NEDD9: variants seen among roughly 807,000 people sequenced by gnomAD.
The protein encoded by NEDD9 is enhancer of filamentation 1.
A neutral mutation model predicts 76.6 loss-of-function variants in NEDD9; 26 were observed. The observed-to-expected ratio is 0.34, with a 90% CI of 0.25 to 0.47. NEDD9 has a LOEUF of 0.47. Ranked by LOEUF, NEDD9 falls within the 20% of genes least tolerant of loss-of-function variation. The probability of loss-of-function intolerance (pLI) is 1.00; values close to 1 mark genes in which losing one functional copy is unlikely to be tolerated. For synonymous variants in NEDD9, 392 were observed against 414.2 expected (o/e 0.95, Z 0.65); for missense variants, 937 against 1,058.5 (o/e 0.89, Z 1.59).
At chr6:11,297,228 C>A (rs1038768682) in intron 3 of NEDD9, among the ~76,000 whole-genome samples, 4 of 150,480 alleles carry the variant, frequency 2.7e-5, no homozygotes, top group African/African-American at 9.8e-5. Context: ...ACTACCAGCT[C>A]TTTGAAAATG....
At chr6:11,380,362 T>C (rs1763040986) in intron 1 of NEDD9, among the ~76,000 whole-genome samples, 2 of 152,182 alleles carry the variant, frequency 1.3e-5, no homozygotes, top group Non-Finnish European at 2.9e-5. Flanking sequence ...AGAGAAGCCA[T>C]GAAGGGCCCC....
chr6:11,232,704 G>A (rs1475251007), upstream of NEDD9: 23 of 1,440,704 alleles, frequency 1.6e-5, no homozygotes, highest in Non-Finnish European at 2.1e-5. Flanking sequence ...GCTGATCGCG[G>A]ACCTCATTTG....
At chr6:11,266,482 G>A (rs1464152795) in intron 3 of NEDD9, among the ~76,000 whole-genome samples, 1 of 152,114 alleles carries the variant, frequency 6.6e-6, no homozygotes. Context: ...GGAAAAAGAA[G>A]CCATTATATA....
chr6:11,319,524 A>ACT (rs913812338), intron 2 of NEDD9, among the ~76,000 whole-genome samples: 1 of 149,212 alleles, frequency 6.7e-6, no homozygotes, highest in African/African-American at 2.5e-5. Context: ...TAACATGCAC[A>ACT]CTCACACTAA....
intron 2 of NEDD9, among the ~76,000 whole-genome samples, chr6:11,324,869 T>C (rs1761888130): frequency 6.6e-6 from 1 of 152,238 alleles, no homozygotes; most frequent in Non-Finnish European, 1.5e-5. Context: ...GCAGCAGTGG[T>C]ATTCTAAGAA....
At chr6:11,337,450 C>T (rs1237875566) in intron 1 of NEDD9, among the ~76,000 whole-genome samples, 1 of 152,122 alleles carries the variant, frequency 6.6e-6, no homozygotes, top group Non-Finnish European at 1.5e-5. Flanking sequence ...TTTGTTGACA[C>T]CAGCATCACC....
At chr6:11,306,378 T>A (rs553795884) in intron 2 of NEDD9, among the ~76,000 whole-genome samples, 104 of 152,326 alleles carry the variant, frequency 6.8e-4, no homozygotes, top group Non-Finnish European at 1.2e-3. Flanking sequence ...AGTCCTGTCC[T>A]CAAGGATCCC....
intron 3 of NEDD9, among the ~76,000 whole-genome samples, chr6:11,262,733 A>C (rs921884804): frequency 1.3e-5 from 2 of 152,262 alleles, no homozygotes; most frequent in African/African-American, 4.8e-5. Context: ...TTAAAAGAAT[A>C]AAATAAGTTA....
At chr6:11,331,486 T>A (rs1426428609) in intron 2 of NEDD9, among the ~76,000 whole-genome samples, 3 of 152,020 alleles carry the variant, frequency 2.0e-5, no homozygotes, top group Admixed American at 2.0e-4. Flanking sequence ...GGAGGAGATA[T>A]GACTTAAGAA....
chr6:11,239,268 G>A (rs903545058), intron 3 of NEDD9, among the ~76,000 whole-genome samples: 1 of 152,180 alleles, frequency 6.6e-6, no homozygotes, highest in Non-Finnish European at 1.5e-5. Context: ...GGTTTCTTTT[G>A]TGAGAGTTTC....
intron 1 of NEDD9, among the ~76,000 whole-genome samples, chr6:11,376,197 A>T (rs1288893547): frequency 6.6e-6 from 1 of 152,228 alleles, no homozygotes. Flanking sequence ...CTAACACAGA[A>T]AATTGAAAAT....
chr6:11,258,264 G>T (rs941440292), intron 3 of NEDD9, among the ~76,000 whole-genome samples: 1 of 152,202 alleles, frequency 6.6e-6, no homozygotes, highest in African/African-American at 2.4e-5. Context: ...TTACCAGGGA[G>T]GCTCAGGGGC....
At chr6:11,337,588 G>A (rs987917117) in intron 1 of NEDD9, among the ~76,000 whole-genome samples, 11 of 152,208 alleles carry the variant, frequency 7.2e-5, no homozygotes, top group African/African-American at 2.7e-4. Flanking sequence ...GTTGTTGACT[G>A]AAGCATAGTC....
chr6:11,319,480 A>C (rs1761695441), intron 2 of NEDD9, among the ~76,000 whole-genome samples: 1 of 151,148 alleles, frequency 6.6e-6, no homozygotes, highest in African/African-American at 2.4e-5. Context: ...TCACACTAAC[A>C]AGCAAATAAT....
chr6:11,314,630 GT>G (rs1323532303), intron 2 of NEDD9, among the ~76,000 whole-genome samples: 2 of 152,130 alleles, frequency 1.3e-5, no homozygotes, highest in African/African-American at 2.4e-5. Flanking sequence ...TCCAGTCTAT[GT>G]TTTTTCTTAT....
chr6:11,350,001 T>C (rs1438618710), intron 1 of NEDD9, among the ~76,000 whole-genome samples: 1 of 152,168 alleles, frequency 6.6e-6, no homozygotes, highest in Non-Finnish European at 1.5e-5. Context: ...GGTGTGCAAA[T>C]TGAAGGTCAC....
chr6:11,371,926 C>T (rs1762883478), intron 1 of NEDD9, among the ~76,000 whole-genome samples: 1 of 152,122 alleles, frequency 6.6e-6, no homozygotes, highest in Non-Finnish European at 1.5e-5. Context: ...GTGTAATAAT[C>T]ACATCAGGGT....
intron 2 of NEDD9, among the ~76,000 whole-genome samples, chr6:11,211,872 G>A (rs1758795968): frequency 6.6e-6 from 1 of 152,172 alleles, no homozygotes; most frequent in Non-Finnish European, 1.5e-5. Flanking sequence ...TACCCACACA[G>A]GGTCAGGGTC....
chr6:11,237,243 G>A (rs751061817), upstream of NEDD9, among the ~76,000 whole-genome samples: 25 of 152,256 alleles, frequency 1.6e-4, no homozygotes, highest in South Asian at 1.2e-3. This position sits in a 1 kb window ranked among gnomAD's most constrained non-coding sequence, Gnocchi z 4.9. Flanking sequence ...CCCCAGCTCC[G>A]ATGTGTGTTC....
Sources: allele counts gnomAD v4.1 joint callset (sites outside exome capture counted in the v4.1 genomes callset), GRCh38; gene constraint gnomAD v4.1.1; non-coding constraint Gnocchi (gnomAD v3.1); transcripts MANE v1.5; gene names NCBI Gene and HGNC (gene_info 2026-07-23, HGNC 2026-07-21).